Variants in PTPRN2 observed in about 807,000 individuals in gnomAD.
PTPRN2 encodes the protein protein tyrosine phosphatase receptor type N2, also known as receptor-type tyrosine-protein phosphatase N2.
Under a neutral mutation model 118.8 loss-of-function variants are expected in PTPRN2, and 74 were observed. That is an observed-to-expected ratio of 0.62 (90% CI 0.52 to 0.76). The LOEUF (loss-of-function observed/expected upper bound fraction) is 0.76. PTPRN2 is among the 30% of genes least tolerant of loss of function. The probability of loss-of-function intolerance (pLI) is 0.00; values close to 1 mark genes in which losing one functional copy is unlikely to be tolerated. For missense variants in PTPRN2, 1,481 were observed against 1,394.4 expected, an observed-to-expected ratio of 1.06 and a Z score of -0.99; for synonymous variants, 641 against 608.0, an observed-to-expected ratio of 1.05 and a Z score of -0.80.
At chr7:157,876,443 C>T (rs1297890990) in intron 12 of PTPRN2, among the ~76,000 whole-genome samples, 1 of 152,208 alleles carries the variant, frequency 6.6e-6, no homozygotes, top group African/African-American at 2.4e-5. Flanking sequence ...ATTTTCTTTT[C>T]CTGTGGCAAG....
intron 12 of PTPRN2, among the ~76,000 whole-genome samples, chr7:157,711,901 C>T (rs1208682463): frequency 7.2e-6 from 1 of 138,852 alleles, no homozygotes; most frequent in African/African-American, 2.7e-5. Flanking sequence ...GGGCTGTAGC[C>T]TCCAGTGTCT....
Position 158,558,961 on chromosome 7 carries a change from G to A in PTPRN2, c.112+28597C>T, listed in dbSNP as rs112308317. On this transcript the variant is annotated intron_variant, in intron 1 of 22. Transcript: ENST00000389418. ...TCATGTTTCCAATGAGGAGGAGCTGGATCCCCGAGGTCTGCAGGCAGCAGG... is the reference window on the plus strand; with the variant it reads ...TCATGTTTCCAATGAGGAGGAGCTGAATCCCCGAGGTCTGCAGGCAGCAGG... Among the ~76,000 whole-genome samples the A allele has an allele frequency of 7.6e-3, 1,155 of 152,108 alleles. 12 individuals are homozygous for A. The highest frequency in any genetic ancestry group is 0.026 in the African/African-American group (1,091 of 41,478).
intron 12 of PTPRN2, among the ~76,000 whole-genome samples, chr7:157,806,852 G>A (rs1369933423): frequency 6.6e-5 from 10 of 152,234 alleles, no homozygotes; most frequent in Admixed American, 5.9e-4. Flanking sequence ...CCACTGGCAT[G>A]GGCCCAGCTT....
chr7:158,140,403 G>A (rs546773071), intron 6 of PTPRN2, among the ~76,000 whole-genome samples: 35 of 152,346 alleles, frequency 2.3e-4, no homozygotes, highest in African/African-American at 6.7e-4. Context: ...AGAGTTAAAT[G>A]AGACTGTGGG....
intron 2 of PTPRN2, among the ~76,000 whole-genome samples, chr7:158,363,389 C>T (rs1156864013): frequency 6.6e-6 from 1 of 152,130 alleles, no homozygotes; most frequent in Non-Finnish European, 1.5e-5. Context: ...GTCACACCCA[C>T]GCTGGAACCA....
intron 11 of PTPRN2, among the ~76,000 whole-genome samples, chr7:157,997,256 TG>T (rs1176669041): frequency 1.3e-5 from 2 of 152,192 alleles, no homozygotes; most frequent in Admixed American, 1.3e-4. Flanking sequence ...ACTGCGCCCC[TG>T]GGCCCGCCTG....
intron 1 of PTPRN2, among the ~76,000 whole-genome samples, chr7:158,534,856 C>G (rs10232983): frequency 6.6e-6 from 1 of 151,842 alleles, no homozygotes; most frequent in Admixed American, 6.5e-5. Flanking sequence ...CGTTGGGCAG[C>G]CTGCACAGCC....
intron 12 of PTPRN2, among the ~76,000 whole-genome samples, chr7:157,827,844 G>T (rs1248260868): frequency 6.6e-6 from 1 of 152,212 alleles, no homozygotes; most frequent in African/African-American, 2.4e-5. Flanking sequence ...GTCACGGGCT[G>T]TTCCCAGAGT....
intron 13 of PTPRN2, among the ~76,000 whole-genome samples, chr7:157,673,989 C>G (rs538221345): frequency 1.1e-4 from 16 of 152,332 alleles, no homozygotes; most frequent in Admixed American, 8.5e-4. Flanking sequence ...AAGCGATAAG[C>G]TTTCTGAGAA....
At chr7:158,142,594 G>C (rs548044044) in intron 6 of PTPRN2, among the ~76,000 whole-genome samples, 1 of 152,236 alleles carries the variant, frequency 6.6e-6, no homozygotes, top group East Asian at 1.9e-4. Context: ...CTTGAGCCTT[G>C]GAGGGGAGGG....
chr7:158,499,008 G>C (rs1233488611), intron 1 of PTPRN2, among the ~76,000 whole-genome samples: 3 of 152,174 alleles, frequency 2.0e-5, no homozygotes, highest in Non-Finnish European at 2.9e-5. Flanking sequence ...AGGTAAACAA[G>C]CTTTTTAGCA....
chr7:158,314,189 A>G (rs947872143), intron 3 of PTPRN2, among the ~76,000 whole-genome samples: 4 of 152,206 alleles, frequency 2.6e-5, no homozygotes, highest in African/African-American at 9.7e-5. Flanking sequence ...AATTACGCTC[A>G]GGGGAAGTTC....
chr7:158,369,330 T>C (rs1349104448), intron 2 of PTPRN2, among the ~76,000 whole-genome samples: 2 of 151,588 alleles, frequency 1.3e-5, no homozygotes, highest in African/African-American at 2.4e-5. Context: ...CACGTATATG[T>C]AACTAATATG....
At chr7:157,971,072 C>T (rs1190471733) in intron 11 of PTPRN2, among the ~76,000 whole-genome samples, 1 of 152,196 alleles carries the variant, frequency 6.6e-6, no homozygotes, top group African/African-American at 2.4e-5. Flanking sequence ...TTTAATAACA[C>T]ACCCTTGTAA....
chr7:158,182,278 C>T (rs1188380720), intron 5 of PTPRN2, among the ~76,000 whole-genome samples: 1 of 152,116 alleles, frequency 6.6e-6, no homozygotes, highest in Non-Finnish European at 1.5e-5. Context: ...TGAGAAGATA[C>T]TTGATATAAT....
At chr7:157,943,383 A>T (rs1800267541) in intron 11 of PTPRN2, among the ~76,000 whole-genome samples, 1 of 152,094 alleles carries the variant, frequency 6.6e-6, no homozygotes, top group Non-Finnish European at 1.5e-5. Flanking sequence ...GACAAAGGCT[A>T]CACCCTTTAA....
At chr7:157,545,049 TGTGG>T (rs1269793123) in intron 22 of PTPRN2, among the ~76,000 whole-genome samples, 1 of 141,182 alleles carries the variant, frequency 7.1e-6, no homozygotes, top group Non-Finnish European at 1.5e-5. Context: ...TGTGGAGGTG[TGTGG>T]GTGTGTGCAG....
chr7:157,898,303 A>C (rs1170935531), intron 12 of PTPRN2, among the ~76,000 whole-genome samples: 1 of 152,260 alleles, frequency 6.6e-6, no homozygotes, highest in African/African-American at 2.4e-5. Flanking sequence ...ACTGAGTCCC[A>C]GGAGGAAAGA....
intron 1 of PTPRN2, among the ~76,000 whole-genome samples, chr7:158,579,829 A>G (rs1828531822): frequency 6.6e-6 from 1 of 152,248 alleles, no homozygotes; most frequent in Non-Finnish European, 1.5e-5. Context: ...CCATAACAGC[A>G]TAACAAAGCA....
Sources: allele counts gnomAD v4.1 joint callset (sites outside exome capture counted in the v4.1 genomes callset), GRCh38; gene constraint gnomAD v4.1.1; transcripts MANE v1.5; gene names NCBI Gene and HGNC (gene_info 2026-07-23, HGNC 2026-07-21).